EFCAB11: variants seen among roughly 807,000 people sequenced by gnomAD.
EFCAB11 encodes the protein EF-hand calcium binding domain 11.
A neutral mutation model predicts 23.0 loss-of-function variants in EFCAB11; 14 were observed. That is an observed-to-expected ratio of 0.61 (90% CI 0.40 to 0.95). The LOEUF is 0.95. EFCAB11 is among the 40% of genes least tolerant of loss of function. The probability of loss-of-function intolerance (pLI) is 0.00; values close to 1 mark genes in which losing one functional copy is unlikely to be tolerated. For missense variants in EFCAB11, 198 were observed against 195.8 expected, an observed-to-expected ratio of 1.01 and a Z score of -0.07; for synonymous variants, 65 against 66.6, an observed-to-expected ratio of 0.98 and a Z score of 0.11.
chr14:89,797,843 G>A (rs1221459912), intron 5 of EFCAB11, among the ~76,000 whole-genome samples: 1 of 152,132 alleles, frequency 6.6e-6, no homozygotes, highest in Admixed American at 6.5e-5. Flanking sequence ...TGAGGCAGGA[G>A]AATCACTTGA....
At chr14:89,813,298 A>G (rs755261105) in intron 5 of EFCAB11, among the ~76,000 whole-genome samples, 4 of 152,206 alleles carry the variant, frequency 2.6e-5, no homozygotes, top group Admixed American at 6.5e-5. Context: ...ACTCTCTGAT[A>G]CGATACCTTG....
At chr14:89,850,303 CT>C (rs1887565228) in intron 5 of EFCAB11, among the ~76,000 whole-genome samples, 3 of 152,160 alleles carry the variant, frequency 2.0e-5, no homozygotes, top group Non-Finnish European at 2.9e-5. Flanking sequence ...TTAATCCTAC[CT>C]GCCTTACAGA....
intron 5 of EFCAB11, among the ~76,000 whole-genome samples, chr14:89,852,783 A>AT (rs778855721): frequency 1.6e-4 from 25 of 152,192 alleles, no homozygotes; most frequent in Non-Finnish European, 3.4e-4. Flanking sequence ...ATAATATAAC[A>AT]TTTACCACCT....
At chr14:89,954,502 A>G in intron 1 of EFCAB11, 84 bp downstream of exon 1, 1 of 1,571,046 alleles carries the variant, frequency 6.4e-7, no homozygotes, top group Non-Finnish European at 8.6e-7. Context: ...CACACCCGGC[A>G]GAGTGAGACC....
chr14:89,849,008 TTC>T (rs1403995703), intron 5 of EFCAB11: 1 of 152,214 alleles, frequency 6.6e-6, no homozygotes, highest in African/African-American at 2.4e-5. Flanking sequence ...TGCAGATTTT[TTC>T]TCTTTTTGTC....
intron 5 of EFCAB11, among the ~76,000 whole-genome samples, chr14:89,815,450 G>A (rs990560463): frequency 4.6e-5 from 7 of 151,404 alleles, no homozygotes; most frequent in African/African-American, 7.3e-5. Flanking sequence ...TTTCCAAGAC[G>A]GAATCTTGTT....
rs113765578 is a variant in EFCAB11, at chr14:89,824,781, T to C, written c.411-27457A>G. 3.3e-3 allele frequency among the ~76,000 whole-genome samples: 507 copies of C among 152,276 alleles called. 2 individuals are homozygous for C. The highest frequency in any genetic ancestry group is 0.012 in the African/African-American group (492 of 41,562). On this transcript the variant is annotated intron_variant, in intron 5 of 5. Coordinates refer to ENST00000316738, the MANE Select transcript of EFCAB11 (RefSeq NM_145231.4). ...GATAATAAGAGACATTTCATAATTA[T>C]AGCAGGGTCGATTAATCAAGAAGAC...
intron 5 of EFCAB11, among the ~76,000 whole-genome samples, chr14:89,914,195 T>A (rs898218098): frequency 6.6e-6 from 1 of 152,198 alleles, no homozygotes; most frequent in African/African-American, 2.4e-5. Context: ...CTTTACAAAA[T>A]CCTTGTGGAA....
intron 5 of EFCAB11, among the ~76,000 whole-genome samples, chr14:89,864,595 TTTTTG>T (rs1462211912): frequency 1.3e-5 from 2 of 152,014 alleles, no homozygotes; most frequent in Non-Finnish European, 2.9e-5. Flanking sequence ...GCCCAGATAA[TTTTTG>T]TTTTGTTTTT....
chr14:89,953,003 G>T (rs1325593401), intron 2 of EFCAB11, among the ~76,000 whole-genome samples: 6 of 152,164 alleles, frequency 3.9e-5, no homozygotes, highest in Non-Finnish European at 8.8e-5. Context: ...CAGGAAACTT[G>T]CCCTACTCAA....
intron 5 of EFCAB11, among the ~76,000 whole-genome samples, chr14:89,822,283 A>T (rs1396022816): frequency 6.6e-6 from 1 of 152,254 alleles, no homozygotes; most frequent in African/African-American, 2.4e-5. Flanking sequence ...TGTACAATTT[A>T]AAGTTTATAT....
intron 5 of EFCAB11, among the ~76,000 whole-genome samples, chr14:89,822,798 C>T (rs1433629936): frequency 6.6e-6 from 1 of 152,138 alleles, no homozygotes; most frequent in African/African-American, 2.4e-5. Flanking sequence ...ACCACAAAGG[C>T]CATACCTCAG....
At chr14:89,815,715 C>T (rs958121110) in intron 5 of EFCAB11, among the ~76,000 whole-genome samples, 1 of 152,100 alleles carries the variant, frequency 6.6e-6, no homozygotes, top group African/African-American at 2.4e-5. Context: ...TGAGTCATCG[C>T]GCCCGGCCGA....
At chr14:89,923,795 T>C (rs930125084) in intron 5 of EFCAB11, 1 of 985,248 alleles carries the variant, frequency 1.0e-6, no homozygotes, top group Admixed American at 6.1e-5. Flanking sequence ...AATTTTCTCT[T>C]GTTAGAGATG....
At chr14:89,921,063 T>TAAAAAAAAAAAAA (rs199585363) in intron 5 of EFCAB11, among the ~76,000 whole-genome samples, 1 of 111,566 alleles carries the variant, frequency 9.0e-6, no homozygotes, top group Admixed American at 8.3e-5. Context: ...AGACTCTGTC[T>TAAAAAAAAAAAAA]AAAAAAAAAA....
At chr14:89,895,933 A>G (rs1889137862) in intron 5 of EFCAB11, among the ~76,000 whole-genome samples, 1 of 152,254 alleles carries the variant, frequency 6.6e-6, no homozygotes, top group East Asian at 1.9e-4. Flanking sequence ...ATTCAAATCA[A>G]TAGAAGATGC....
intron 5 of EFCAB11, among the ~76,000 whole-genome samples, chr14:89,851,630 T>C (rs1417579723): frequency 6.6e-6 from 1 of 152,154 alleles, no homozygotes; most frequent in Non-Finnish European, 1.5e-5. Flanking sequence ...CAAAGCAAGC[T>C]GAGAGAAACG....
intron 5 of EFCAB11, among the ~76,000 whole-genome samples, chr14:89,852,791 C>T (rs1887636747): frequency 6.6e-6 from 1 of 152,148 alleles, no homozygotes; most frequent in South Asian, 2.1e-4. Flanking sequence ...ACATTTACCA[C>T]CTTAGCCATT....
chr14:89,918,651 G>A (rs1247668806), intron 5 of EFCAB11, among the ~76,000 whole-genome samples: 1 of 152,010 alleles, frequency 6.6e-6, no homozygotes, highest in Non-Finnish European at 1.5e-5. Flanking sequence ...GAAGAAAAAG[G>A]CAAGATCACC....
Sources: gnomAD v4.1 joint callset for allele counts (sites outside exome capture counted in the v4.1 genomes callset) on GRCh38, gnomAD v4.1.1 for gene constraint, MANE v1.5 for transcripts, NCBI Gene and HGNC (gene_info 2026-07-23, HGNC 2026-07-21) for gene names.